Variants in LRIG1 observed in about 807,000 individuals in gnomAD.
The protein encoded by LRIG1 is leucine-rich repeats and immunoglobulin-like domains protein 1.
LRIG1 carries 48 observed loss-of-function variants against 99.2 expected under a neutral mutation model. That is an observed-to-expected ratio of 0.48 (90% CI 0.38 to 0.62). The LOEUF (loss-of-function observed/expected upper bound fraction) is 0.62, where lower values mean the gene tolerates loss of function less well. Among genes scored for constraint, LRIG1 ranks in the 20% least tolerant of loss-of-function variants. The pLI is 0.00. For missense variants in LRIG1, 1,646 were observed against 1,434.4 expected (o/e 1.15, Z -2.38); for synonymous variants, 772 against 596.1 (o/e 1.29, Z -4.30).
intron 1 of LRIG1, among the ~76,000 whole-genome samples, chr3:66,473,038 G>C (rs777130125): frequency 3.9e-5 from 6 of 152,170 alleles, no homozygotes; most frequent in Non-Finnish European, 5.9e-5. Flanking sequence ...TGGACGTGTA[G>C]TGATTAGGGG....
intron 3 of LRIG1, among the ~76,000 whole-genome samples, chr3:66,431,520 C>G (rs546770341): frequency 6.6e-6 from 1 of 152,262 alleles, no homozygotes; most frequent in Non-Finnish European, 1.5e-5. Context: ...AAGTCCCGAG[C>G]CCAGGGGTGT....
chr3:66,488,008 T>A (rs1330199396), intron 1 of LRIG1, among the ~76,000 whole-genome samples: 1 of 151,610 alleles, frequency 6.6e-6, no homozygotes, highest in African/African-American at 2.4e-5. Context: ...AAAACAATAA[T>A]AAAAATAAAA....
At chr3:66,465,019 G>A (rs912533478) in intron 1 of LRIG1, among the ~76,000 whole-genome samples, 4 of 152,088 alleles carry the variant, frequency 2.6e-5, no homozygotes, top group African/African-American at 4.8e-5. Flanking sequence ...AAGTTTTCAC[G>A]GGGTCAGCTG....
intron 7 of LRIG1, 97 bp downstream of exon 7, chr3:66,410,032 C>G (rs1702412600): frequency 7.5e-7 from 1 of 1,335,542 alleles, no homozygotes; most frequent in South Asian, 1.4e-5. Flanking sequence ...TGAGCCCTCC[C>G]CGAGGCCACT....
Position 66,413,293 on chromosome 3 carries a change from C to T in LRIG1, c.648-279G>A, listed in dbSNP as rs543888247. Among the ~76,000 whole-genome samples, 493 of 152,300 alleles carry T rather than the reference C, an allele frequency of 3.2e-3. 1 individual carries two copies. The highest frequency in any genetic ancestry group is 6.0e-3 in the South Asian group (29 of 4,826). ...TGGCCCACAGCTGCACAGAAGAGAA[C>T]GCGTGTGTGCTCACGTCTCCTCCCC... On this transcript the variant is annotated intron_variant, in intron 5 of 18. Transcript: ENST00000273261.
chr3:66,395,088 C>A (rs921046995), intron 11 of LRIG1, among the ~76,000 whole-genome samples: 1 of 152,216 alleles, frequency 6.6e-6, no homozygotes, highest in Non-Finnish European at 1.5e-5. Context: ...AACCAAGAGT[C>A]TAGCTGCCTT....
At position 66,408,107 on chromosome 3, in the gene LRIG1, G is replaced by A. The variant is rs531214472; in HGVS notation, c.936-616C>T. 4.6e-5 allele frequency among the ~76,000 whole-genome samples: 7 copies of A among 152,286 alleles called. No homozygotes were observed. The South Asian group carries it at 6.2e-4, about 14-fold the overall frequency. On this transcript the variant is annotated intron_variant, in intron 7 of 18. Coordinates refer to ENST00000273261, the MANE Select transcript of LRIG1 (RefSeq NM_015541.3). ...GGCGGTAAAAGCACATGCTTTGCCC[G>A]AACCTCAGAATCAAAGCTTCCTCCC...
At chr3:66,394,571 C>G (rs377198918) in intron 11 of LRIG1, among the ~76,000 whole-genome samples, 14 of 152,248 alleles carry the variant, frequency 9.2e-5, no homozygotes, top group African/African-American at 3.4e-4. Context: ...CCCTGGGCTG[C>G]CTTCTGACCT....
chr3:66,458,589 C>T (rs1575707055), intron 2 of LRIG1, among the ~76,000 whole-genome samples: 1 of 152,198 alleles, frequency 6.6e-6, no homozygotes, highest in East Asian at 1.9e-4. Context: ...GTAATCCCAG[C>T]TACCTGGGAA....
chr3:66,482,291 A>G (rs1425646652), intron 1 of LRIG1, among the ~76,000 whole-genome samples: 1 of 152,270 alleles, frequency 6.6e-6, no homozygotes, highest in Non-Finnish European at 1.5e-5. Context: ...TCTCTCAGAA[A>G]CACAGCTTCC....
At chr3:66,441,418 A>G (rs1435001566) in intron 3 of LRIG1, among the ~76,000 whole-genome samples, 1 of 152,092 alleles carries the variant, frequency 6.6e-6, no homozygotes, top group Non-Finnish European at 1.5e-5. Context: ...GTTTTTCCTC[A>G]CTGTACCTTT....
rs767953463 is a variant in LRIG1 at position 66,382,353 on chromosome 3, T to C, written c.2537A>G (p.Gln846Arg). 1.2e-6 allele frequency: 2 copies of C among 1,614,182 alleles called. No homozygotes were observed. Among genetic ancestry groups the C allele is most frequent in the East Asian group, 2.2e-5 (1 of 44,880 alleles). Reference sequence around the variant, plus strand: ...TTCTTGTCGGTCAGAAAGGGTCCCCTGAGAAGAGAGGTAGCTTGGAACATC... The same window carrying C: ...TTCTTGTCGGTCAGAAAGGGTCCCCCGAGAAGAGAGGTAGCTTGGAACATC... The part of the protein sequence containing the change: ...PPDVPSYLSS[Q>R]GTLSDRQETV... Residue 846 changes from glutamine (Q) to arginine (R), a missense_variant, in exon 16 of 19, where the codon CAG (glutamine) becomes CGG (arginine). Coordinates refer to ENST00000273261, the MANE Select transcript of LRIG1 (RefSeq NM_015541.3).
chr3:66,410,420 CAT>C (rs2106669617), intron 6 of LRIG1, 148 bp from the exon 7 acceptor site: 1 of 701,524 alleles, frequency 1.4e-6, no homozygotes, highest in Non-Finnish European at 2.3e-6. Flanking sequence ...TAGTCGCACA[CAT>C]GTGCATGTGA....
intron 3 of LRIG1, among the ~76,000 whole-genome samples, chr3:66,421,542 G>C (rs1254125408): frequency 6.6e-6 from 1 of 152,204 alleles, no homozygotes; most frequent in Non-Finnish European, 1.5e-5. Context: ...ATGGTCTTGG[G>C]AAAGCTCCAC....
At chr3:66,467,888 G>A (rs1467165566) in intron 1 of LRIG1, among the ~76,000 whole-genome samples, 2 of 152,168 alleles carry the variant, frequency 1.3e-5, no homozygotes, top group Admixed American at 1.3e-4. Context: ...ACAAATCTGA[G>A]CTACCCAATA....
At chr3:66,442,532 C>T (rs369683538) in intron 3 of LRIG1, among the ~76,000 whole-genome samples, 9 of 151,926 alleles carry the variant, frequency 5.9e-5, no homozygotes, top group Admixed American at 2.0e-4. Context: ...CCCTTTCACA[C>T]GGGAGATTGT....
intron 2 of LRIG1, among the ~76,000 whole-genome samples, chr3:66,454,912 G>A (rs1397827397): frequency 6.6e-6 from 1 of 152,046 alleles, no homozygotes; most frequent in East Asian, 1.9e-4. Context: ...ATCAAATTTG[G>A]CTTCAACAAT....
chr3:66,411,204 G>A (rs1702452885), intron 6 of LRIG1, among the ~76,000 whole-genome samples: 2 of 152,148 alleles, frequency 1.3e-5, no homozygotes, highest in Admixed American at 6.5e-5. Flanking sequence ...CCAGGCAACC[G>A]CCTCTTCAAC....
intron 12 of LRIG1, among the ~76,000 whole-genome samples, chr3:66,389,966 T>C (rs1340490340): frequency 6.6e-6 from 1 of 152,126 alleles, no homozygotes; most frequent in Non-Finnish European, 1.5e-5. Flanking sequence ...ACATTATTAA[T>C]TGAAGAAAAT....
Sources: gnomAD v4.1 joint callset for allele counts (sites outside exome capture counted in the v4.1 genomes callset) on GRCh38, gnomAD v4.1.1 for gene constraint, MANE v1.5 for transcripts, NCBI Gene and HGNC (gene_info 2026-07-23, HGNC 2026-07-21) for gene names.